CHST8: variants seen among roughly 807,000 people sequenced by gnomAD.
The protein encoded by CHST8 is GALNAC-4-ST1.
A neutral mutation model predicts 15.0 loss-of-function variants in CHST8; 10 were observed. The observed-to-expected ratio is 0.67, with a 90% CI of 0.41 to 1.13. CHST8 has a LOEUF of 1.13. CHST8 is among the 50% of genes most tolerant of loss of function. CHST8 has a pLI of 0.00. For synonymous variants in CHST8, 259 were observed against 256.6 expected (o/e 1.01, Z -0.09); for missense variants, 634 against 608.2 (o/e 1.04, Z -0.45).
At position 33,713,746 on chromosome 19, in the gene CHST8, C is replaced by T. The variant is rs573527005; in HGVS notation, c.130+24355C>T. ...CGGCTAATTTTTGTGTTTTTAGTAGCGACAGGGTTTCACCATGTTGGCCAG... is the reference window on the plus strand; with the variant it reads ...CGGCTAATTTTTGTGTTTTTAGTAGTGACAGGGTTTCACCATGTTGGCCAG... On this transcript the variant is annotated intron_variant, in intron 3 of 4. Coordinates refer to ENST00000650847, the MANE Select transcript of CHST8 (RefSeq NM_001127895.2). Among the ~76,000 whole-genome samples, 19 of 152,064 alleles carry T rather than the reference C, an allele frequency of 1.2e-4. No individual in the cohort carries two copies. The South Asian group carries it at 2.9e-3, about 23-fold the overall frequency.
intron 1 of CHST8, among the ~76,000 whole-genome samples, chr19:33,654,527 A>C (rs777760110): frequency 6.6e-6 from 1 of 151,968 alleles, no homozygotes; most frequent in Non-Finnish European, 1.5e-5. Flanking sequence ...CATTTCAAAA[A>C]TTGTTTCTGC....
At chr19:33,768,219 T>C (rs1455675639) in intron 3 of CHST8, among the ~76,000 whole-genome samples, 1 of 152,176 alleles carries the variant, frequency 6.6e-6, no homozygotes, top group Non-Finnish European at 1.5e-5. Flanking sequence ...GTGGGGACAC[T>C]AGGTTCACGG....
At chr19:33,702,197 C>A (rs969564360) in intron 3 of CHST8, among the ~76,000 whole-genome samples, 5 of 152,162 alleles carry the variant, frequency 3.3e-5, no homozygotes, top group African/African-American at 1.2e-4. Flanking sequence ...TGGTCTCAAA[C>A]TCCTGACCTC....
At chr19:33,629,761 G>A (rs1972099434) in intron 1 of CHST8, among the ~76,000 whole-genome samples, 1 of 152,262 alleles carries the variant, frequency 6.6e-6, no homozygotes, top group Admixed American at 6.5e-5. Flanking sequence ...TCGGGGACAG[G>A]AGGGAAGAGA....
chr19:33,662,070 T>C (rs376243972), intron 1 of CHST8, among the ~76,000 whole-genome samples: 48 of 151,986 alleles, frequency 3.2e-4, no homozygotes, highest in East Asian at 2.5e-3. Flanking sequence ...TTTCTTTTTT[T>C]TCTCTCTTTT....
rs749619036 is a variant in CHST8, at chr19:33,754,936, C to T, written c.131-16477C>T. ...TGCTGAGCACCTGAGTGAGAGATGC[C>T]GGCTCAGGGGCACCTGTCTGCAGCC... On this transcript the variant is annotated intron_variant, in intron 3 of 4. Transcript: ENST00000650847. 8.5e-5 allele frequency among the ~76,000 whole-genome samples: 13 copies of T among 152,294 alleles called. 1 individual carries two copies. The highest frequency in any genetic ancestry group is 1.8e-4 in the Non-Finnish European group (12 of 68,020).
chr19:33,749,137 G>A (rs1352028518), intron 3 of CHST8, among the ~76,000 whole-genome samples: 2 of 152,130 alleles, frequency 1.3e-5, no homozygotes, highest in African/African-American at 4.8e-5. Flanking sequence ...GCTATGTCCG[G>A]GGCTCCCCCA....
intron 2 of CHST8, among the ~76,000 whole-genome samples, chr19:33,685,666 T>C (rs965030997): frequency 3.9e-5 from 6 of 152,134 alleles, no homozygotes; most frequent in Non-Finnish European, 8.8e-5. Flanking sequence ...TGTGACTGTG[T>C]TTATGCCTCA....
chr19:33,708,142 A>C (rs1288680150), intron 3 of CHST8, among the ~76,000 whole-genome samples: 1 of 152,220 alleles, frequency 6.6e-6, no homozygotes, highest in African/African-American at 2.4e-5. Flanking sequence ...TCTAGATATA[A>C]GTATTATTTG....
Position 33,718,028 on chromosome 19 carries a change from G to A in CHST8, c.130+28637G>A, listed in dbSNP as rs116967144. Among the ~76,000 whole-genome samples the A allele has an allele frequency of 2.9e-3, 441 of 152,156 alleles. 5 individuals are homozygous for A. The highest frequency in any genetic ancestry group is 0.019 in the East Asian group (100 of 5,144). ...GAAGACCCCCAGTGTGTACAGGACC[G>A]GAAGGCAGCCAGGGCTTTGATCACT... is the stretch of plus-strand genomic sequence containing the variant. On this transcript the variant is annotated intron_variant, in intron 3 of 4. Coordinates refer to ENST00000650847, the MANE Select transcript of CHST8 (RefSeq NM_001127895.2).
chr19:33,699,647 C>T (rs1419388324), intron 3 of CHST8, among the ~76,000 whole-genome samples: 2 of 152,106 alleles, frequency 1.3e-5, no homozygotes, highest in Admixed American at 6.5e-5. Context: ...AGCCAGAAGT[C>T]CAATGCCCGC....
At chr19:33,641,737 C>T (rs1555710887) in intron 1 of CHST8, among the ~76,000 whole-genome samples, 2 of 27,434 alleles carry the variant, frequency 7.3e-5, no homozygotes, top group South Asian at 1.2e-3. Context: ...TCTGGGATGT[C>T]GGGGGCGGTG....
intron 3 of CHST8, among the ~76,000 whole-genome samples, chr19:33,757,599 A>G (rs554725361): frequency 6.9e-6 from 1 of 145,210 alleles, no homozygotes; most frequent in Non-Finnish European, 1.5e-5. Flanking sequence ...AAAGAAAGAA[A>G]GAAAGAGCCG....
intron 1 of CHST8, among the ~76,000 whole-genome samples, chr19:33,661,260 G>C (rs114694545): frequency 6.6e-6 from 1 of 152,230 alleles, no homozygotes; most frequent in Non-Finnish European, 1.5e-5. Context: ...GCAGGTTACG[G>C]ATGCTCAGAT....
At chr19:33,626,562 A>T (rs527663375) in intron 1 of CHST8, among the ~76,000 whole-genome samples, 2 of 152,252 alleles carry the variant, frequency 1.3e-5, no homozygotes, top group South Asian at 4.1e-4. Flanking sequence ...TGCTATTGTG[A>T]GGCAGGGAGT....
intron 1 of CHST8, among the ~76,000 whole-genome samples, chr19:33,641,160 C>T (rs914510346): frequency 1.7e-4 from 26 of 152,160 alleles, no homozygotes; most frequent in Non-Finnish European, 3.4e-4. Context: ...GGTGGCTGTC[C>T]CGAGAGCCCT....
intron 3 of CHST8, among the ~76,000 whole-genome samples, chr19:33,753,525 C>G (rs1236578032): frequency 1.1e-5 from 1 of 94,146 alleles, no homozygotes; most frequent in African/African-American, 4.3e-5. Context: ...TCCCCCATCT[C>G]CTCACCATCC....
intron 3 of CHST8, among the ~76,000 whole-genome samples, chr19:33,755,646 A>G (rs919449849): frequency 1.3e-5 from 2 of 152,230 alleles, no homozygotes; most frequent in African/African-American, 2.4e-5. Context: ...AGAGGTGCCC[A>G]AAACACATGC....
intron 3 of CHST8, among the ~76,000 whole-genome samples, chr19:33,768,013 T>C (rs1974885844): frequency 6.6e-6 from 1 of 152,198 alleles, no homozygotes; most frequent in Non-Finnish European, 1.5e-5. Flanking sequence ...TTCCTCATCC[T>C]CGTGAGCCCT....
Sources: allele counts gnomAD v4.1 joint callset (sites outside exome capture counted in the v4.1 genomes callset), GRCh38; gene constraint gnomAD v4.1.1; transcripts MANE v1.5; gene names NCBI Gene and HGNC (gene_info 2026-07-23, HGNC 2026-07-21).